The following CCDC30 variants were observed in gnomAD, a reference collection of about 807,000 sequenced individuals.
CCDC30 encodes coiled-coil domain containing 30.
CCDC30 carries 70 observed loss-of-function variants against 100.2 expected under a neutral mutation model. That is an observed-to-expected ratio of 0.70 (90% confidence interval 0.58 to 0.85). CCDC30 has a LOEUF of 0.85. Ranked by LOEUF, CCDC30 falls within the 40% of genes least tolerant of loss-of-function variation. The pLI is 0.00. For synonymous variants in CCDC30, 233 were observed against 269.5 expected (o/e 0.86, Z 1.33); for missense variants, 652 against 771.2 (o/e 0.85, Z 1.83).
At chr1:42,537,458 C>G (rs1285414967) in intron 6 of CCDC30, 2 of 354,014 alleles carry the variant, frequency 5.6e-6, no homozygotes, top group Non-Finnish European at 1.1e-5. Flanking sequence ...GGGAGGCCAC[C>G]CTCTACCTTC....
chr1:42,500,803 C>T (rs1333990640), intron 6 of CCDC30, among the ~76,000 whole-genome samples: 2 of 152,062 alleles, frequency 1.3e-5, no homozygotes, highest in African/African-American at 2.4e-5. Flanking sequence ...CCATGTTGCC[C>T]AAGCTCTCAA....
chr1:42,475,888 G>T (rs899946032), intron 1 of CCDC30, among the ~76,000 whole-genome samples: 9 of 148,616 alleles, frequency 6.1e-5, no homozygotes, highest in African/African-American at 2.0e-4. Context: ...TCCTCTTTAG[G>T]TTTTTTTTTT....
intron 6 of CCDC30, among the ~76,000 whole-genome samples, chr1:42,520,838 G>A (rs1438965138): frequency 3.3e-5 from 5 of 149,560 alleles, no homozygotes; most frequent in South Asian, 2.1e-4. Context: ...TAGTAGAGAC[G>A]GGGTTTCACT....
intron 10 of CCDC30, among the ~76,000 whole-genome samples, chr1:42,610,323 G>A (rs1646592506): frequency 6.6e-6 from 1 of 152,236 alleles, no homozygotes; most frequent in South Asian, 2.1e-4. Flanking sequence ...TCTCATCACT[G>A]CAGTCACTTA....
At chr1:42,473,068 C>T in intron 1 of CCDC30, 5 of 1,218,296 alleles carry the variant, frequency 4.1e-6, no homozygotes, top group Non-Finnish European at 5.1e-6. Flanking sequence ...ATCTTGCATC[C>T]TCAGTTGTGT....
chr1:42,473,398 A>G (rs1024804839), intron 1 of CCDC30: 6 of 719,726 alleles, frequency 8.3e-6, no homozygotes, highest in African/African-American at 7.3e-5. Flanking sequence ...TTTGGCTATC[A>G]CTGTATAGTT....
intron 11 of CCDC30, among the ~76,000 whole-genome samples, chr1:42,614,787 G>GAA (rs199699271): frequency 1.0e-4 from 14 of 133,446 alleles, no homozygotes; most frequent in East Asian, 2.2e-4. Context: ...ACTCCATCTC[G>GAA]AAAAAAAAAA....
intron 11 of CCDC30, among the ~76,000 whole-genome samples, chr1:42,633,203 C>T (rs1647074423): frequency 6.6e-6 from 1 of 152,192 alleles, no homozygotes; most frequent in Admixed American, 6.5e-5. Flanking sequence ...AAACAGTCAC[C>T]CCCAAGCAAA....
At chr1:42,583,513 G>T (rs147675897) in intron 9 of CCDC30, among the ~76,000 whole-genome samples, 2 of 152,118 alleles carry the variant, frequency 1.3e-5, no homozygotes, top group African/African-American at 4.8e-5. Context: ...AAAATATTAC[G>T]ATCTGTTTAT....
chr1:42,617,896 T>G (rs1440301392), intron 11 of CCDC30, among the ~76,000 whole-genome samples: 2 of 152,318 alleles, frequency 1.3e-5, no homozygotes, highest in Non-Finnish European at 2.9e-5. Flanking sequence ...AGGGGGTTTG[T>G]TTTGGGAAAG....
intron 6 of CCDC30, among the ~76,000 whole-genome samples, chr1:42,548,873 A>T (rs74734474): frequency 0.14 from 20,647 of 152,230 alleles, 1,537 homozygotes; most frequent in East Asian, 0.17. Flanking sequence ...TAGCATGGGC[A>T]CATGCACACA....
At chr1:42,617,080 A>G (rs539479026) in intron 11 of CCDC30, among the ~76,000 whole-genome samples, 5 of 152,308 alleles carry the variant, frequency 3.3e-5, no homozygotes, top group East Asian at 3.9e-4. Flanking sequence ...AGGAAATACA[A>G]TATCATAGTA....
intron 1 of CCDC30, among the ~76,000 whole-genome samples, chr1:42,467,491 C>T (rs1461769869): frequency 6.6e-6 from 1 of 152,104 alleles, no homozygotes; most frequent in African/African-American, 2.4e-5. Flanking sequence ...AAGGATGACT[C>T]CTGGGTTTCT....
chr1:42,488,795 C>A (rs1644091419), intron 3 of CCDC30, among the ~76,000 whole-genome samples: 2 of 152,176 alleles, frequency 1.3e-5, no homozygotes, highest in Admixed American at 6.6e-5. Context: ...CACCTGAAGT[C>A]TTCAGAACTT....
intron 6 of CCDC30, among the ~76,000 whole-genome samples, chr1:42,510,406 C>T (rs764951205): frequency 6.6e-6 from 1 of 152,136 alleles, no homozygotes; most frequent in Non-Finnish European, 1.5e-5. Flanking sequence ...TGCCTGTAAT[C>T]CCAGCACTTT....
chr1:42,639,983 AAT>A (rs1557485034), intron 12 of CCDC30, among the ~76,000 whole-genome samples: 2 of 152,010 alleles, frequency 1.3e-5, no homozygotes, highest in South Asian at 4.2e-4. Flanking sequence ...AAAAAAAAAA[AAT>A]CTTAGAAGAA....
At chr1:42,595,757 A>G (rs149386874) in intron 10 of CCDC30, among the ~76,000 whole-genome samples, 4 of 152,242 alleles carry the variant, frequency 2.6e-5, no homozygotes, top group African/African-American at 7.2e-5. Flanking sequence ...GGGGTTTGGC[A>G]AATTAAGTGG....
At chr1:42,461,065 T>C (rs1643398453), upstream of CCDC30, among the ~76,000 whole-genome samples, 1 of 152,220 alleles carries the variant, frequency 6.6e-6, no homozygotes, top group Non-Finnish European at 1.5e-5. Flanking sequence ...ATAGTCCAGG[T>C]GCAATTTGAA....
At chr1:42,616,357 C>G (rs1366868925) in intron 11 of CCDC30, among the ~76,000 whole-genome samples, 1 of 152,224 alleles carries the variant, frequency 6.6e-6, no homozygotes, top group Non-Finnish European at 1.5e-5. Context: ...CCTGTGGGCA[C>G]AGGGTCTGTG....
Sources: gnomAD v4.1 joint callset for allele counts (sites outside exome capture counted in the v4.1 genomes callset) on GRCh38, gnomAD v4.1.1 for gene constraint, MANE v1.5 for transcripts, NCBI Gene and HGNC (gene_info 2026-07-23, HGNC 2026-07-21) for gene names.